Variants in PSMD1 observed in about 807,000 individuals in gnomAD.
The protein encoded by PSMD1 is proteasome 26S subunit, non-ATPase 1.
A neutral mutation model predicts 119.0 loss-of-function variants in PSMD1; 18 were observed. The observed-to-expected ratio is 0.15, with a 90% CI of 0.10 to 0.22. The LOEUF (loss-of-function observed/expected upper bound fraction) is 0.22, where lower values mean the gene tolerates loss of function less well. Ranked by LOEUF, PSMD1 falls within the 10% of genes least tolerant of loss-of-function variation. PSMD1 has a pLI of 1.00. For missense variants in PSMD1, 702 were observed against 1,158.5 expected (o/e 0.61, Z 5.72); for synonymous variants, 374 against 396.6 (o/e 0.94, Z 0.68).
intron 15 of PSMD1, among the ~76,000 whole-genome samples, chr2:231,086,612 G>A (rs1257251150): frequency 6.6e-6 from 1 of 152,204 alleles, no homozygotes; most frequent in African/African-American, 2.4e-5. Context: ...AGCCAAGATT[G>A]TGCCACTGCA....
At position 231,099,491 on chromosome 2, in the gene PSMD1, G is replaced by A. The variant is rs1216656085; in HGVS notation, c.1883+12310G>A. On this transcript the variant is annotated intron_variant, in intron 16 of 24. Transcript: ENST00000308696. ...GCTTTTTCCTAAGTTTAGTCCTTTC[G>A]TTATCCTTCCAGTGTTTTAGCATGA... 4.6e-5 allele frequency among the ~76,000 whole-genome samples: 7 copies of A among 152,226 alleles called. No homozygotes were observed. In the South Asian group the frequency reaches 6.2e-4, roughly 14 times the overall value.
At chr2:231,142,363 G>A (rs948814252) in intron 17 of PSMD1, among the ~76,000 whole-genome samples, 2 of 152,070 alleles carry the variant, frequency 1.3e-5, no homozygotes, top group African/African-American at 4.8e-5. Flanking sequence ...GAAGAATATA[G>A]TTGTATGTTT....
chr2:231,061,709 A>G (rs1574700619), intron 2 of PSMD1, among the ~76,000 whole-genome samples: 2 of 152,072 alleles, frequency 1.3e-5, no homozygotes, highest in East Asian at 3.9e-4. Context: ...GACTGTAGGC[A>G]TGCACCACCA....
At chr2:231,134,552 C>T (rs1221404745) in intron 16 of PSMD1, among the ~76,000 whole-genome samples, 2 of 152,200 alleles carry the variant, frequency 1.3e-5, no homozygotes, top group Non-Finnish European at 2.9e-5. Context: ...AGCTCTGATT[C>T]CTGCCATGCA....
chr2:231,076,727 C>T (rs1371456390), intron 8 of PSMD1, among the ~76,000 whole-genome samples: 1 of 151,976 alleles, frequency 6.6e-6, no homozygotes, highest in Non-Finnish European at 1.5e-5. Flanking sequence ...GGAAGTTTCT[C>T]AATTAAAATA....
intron 4 of PSMD1, among the ~76,000 whole-genome samples, chr2:231,064,150 A>C (rs912274101): frequency 3.3e-5 from 5 of 152,190 alleles, no homozygotes; most frequent in Admixed American, 6.5e-5. Context: ...TCAGTAGACC[A>C]GTTCTGTTTG....
At chr2:231,074,098 G>A (rs1387689209) in intron 7 of PSMD1, among the ~76,000 whole-genome samples, 2 of 151,740 alleles carry the variant, frequency 1.3e-5, no homozygotes, top group African/African-American at 4.8e-5. Context: ...AATCTTAGGG[G>A]GATAGAATTT....
chr2:231,100,381 G>A (rs1236261234), intron 16 of PSMD1, among the ~76,000 whole-genome samples: 5 of 152,170 alleles, frequency 3.3e-5, no homozygotes, highest in Admixed American at 1.3e-4. Context: ...AGGGTTAGAC[G>A]CACAGGCTAA....
At chr2:231,163,512 G>A in intron 20 of PSMD1, 123 bp from the exon 21 acceptor site, 1 of 601,094 alleles carries the variant, frequency 1.7e-6, no homozygotes, top group South Asian at 2.8e-5. Context: ...GGCTTTCAGA[G>A]AGGAGTCATA....
intron 16 of PSMD1, among the ~76,000 whole-genome samples, chr2:231,131,928 C>T (rs1042804470): frequency 6.6e-6 from 1 of 152,064 alleles, no homozygotes; most frequent in African/African-American, 2.4e-5. Context: ...TGTCTTAACA[C>T]TTGTTTTTTC....
chr2:231,112,023 A>G (rs927820452), intron 16 of PSMD1, among the ~76,000 whole-genome samples: 7 of 152,328 alleles, frequency 4.6e-5, no homozygotes, highest in Middle Eastern at 3.4e-3. Flanking sequence ...GATGCCATTT[A>G]TACCAGCAGG....
intron 19 of PSMD1, among the ~76,000 whole-genome samples, chr2:231,160,093 A>G (rs1249234232): frequency 2.0e-5 from 3 of 152,202 alleles, no homozygotes; most frequent in Admixed American, 6.5e-5. Context: ...TCCAGGCCAT[A>G]TATTCTCCCA....
intron 1 of PSMD1, 82 bp downstream of exon 1, chr2:231,057,123 G>A: frequency 2.1e-6 from 3 of 1,405,740 alleles, no homozygotes; most frequent in Non-Finnish European, 2.8e-6. Flanking sequence ...CGGTGACTGG[G>A]CGCCTCCCGG....
chr2:231,066,902 A>G lies in PSMD1; in HGVS notation c.305-4A>G, dbSNP rs759518996. ...GATAATCAGTTATTTTATTTCCTCA[A>G]CAGCAAAATGCATTGATCACTACAC... On this transcript the variant is annotated splice_region_variant and splice_polypyrimidine_tract_variant and intron_variant, in intron 4 of 24. Coordinates refer to ENST00000308696, the MANE Select transcript of PSMD1 (RefSeq NM_002807.4). 2.5e-6 allele frequency: 4 copies of G among 1,581,270 alleles called. No homozygotes were observed. Among genetic ancestry groups the G allele is most frequent in the Admixed American group, 1.9e-5 (1 of 52,294 alleles).
chr2:231,073,903 T>C (rs1203043029), intron 7 of PSMD1, among the ~76,000 whole-genome samples: 2 of 152,090 alleles, frequency 1.3e-5, no homozygotes, highest in African/African-American at 4.8e-5. Context: ...AAGTAAATTT[T>C]TTAAAGTAGA....
intron 21 of PSMD1, 156 bp from the exon 22 acceptor site, chr2:231,165,044 A>ATATATG: frequency 7.3e-5 from 1 of 13,702 alleles, no homozygotes; most frequent in Non-Finnish European, 1.1e-4. Flanking sequence ...TTATATATAT[A>ATATATG]TATATATATA....
At position 231,161,320 on chromosome 2, in the gene PSMD1, G is replaced by A. The variant is rs758537278; in HGVS notation, c.2219-20G>A. ...TAGGACAATACTATTATTGTTCATG[G>A]TTTCTCTCTTTTTCTACAGGTGGTC... is the stretch of plus-strand genomic sequence containing the variant. On this transcript the variant is annotated intron_variant, in intron 19 of 24. Coordinates refer to ENST00000308696, the MANE Select transcript of PSMD1 (RefSeq NM_002807.4). 7 of 1,573,248 alleles carry A rather than the reference G, an allele frequency of 4.4e-6. No individual in the cohort carries two copies. The East Asian group carries it at 1.1e-4, about 25-fold the overall frequency.
In PSMD1 at chr2:231,087,112, C is replaced by T. The variant is rs1320348054; in HGVS notation, c.1819-5C>T. 1 of 1,612,966 alleles carries T rather than the reference C, an allele frequency of 6.2e-7. No homozygotes were observed. Among genetic ancestry groups the T allele is most frequent in the East Asian group, 2.2e-5 (1 of 44,804 alleles). On this transcript the variant is annotated splice_region_variant and splice_polypyrimidine_tract_variant and intron_variant, in intron 15 of 24. Coordinates refer to ENST00000308696, the MANE Select transcript of PSMD1 (RefSeq NM_002807.4). ...TATAATATAATCTTAAACTTTTCCC[C>T]CTAGGTAAGTGATGTTAATGATGAT...
At chr2:231,104,908 T>C (rs940708931) in intron 16 of PSMD1, among the ~76,000 whole-genome samples, 3 of 152,144 alleles carry the variant, frequency 2.0e-5, no homozygotes, top group Non-Finnish European at 2.9e-5. Flanking sequence ...CCATCTTTTT[T>C]CCCCCCTTTA....
Sources: allele counts gnomAD v4.1 joint callset (sites outside exome capture counted in the v4.1 genomes callset), GRCh38; gene constraint gnomAD v4.1.1; transcripts MANE v1.5; gene names NCBI Gene and HGNC (gene_info 2026-07-23, HGNC 2026-07-21).